SLC38A4: variants seen among roughly 807,000 people sequenced by gnomAD.
The protein encoded by SLC38A4 is solute carrier family 38 member 4, also known as sodium-coupled neutral amino acid transporter 4.
SLC38A4 carries 20 observed loss-of-function variants against 63.1 expected under a neutral mutation model. That is an observed-to-expected ratio of 0.32 (90% CI 0.22 to 0.46). SLC38A4 has a LOEUF of 0.46. Among genes scored for constraint, SLC38A4 ranks in the 20% least tolerant of loss-of-function variants. The pLI is 1.00. For missense variants in SLC38A4, 526 were observed against 663.6 expected, an observed-to-expected ratio of 0.79 and a Z score of 2.28; for synonymous variants, 230 against 225.5, an observed-to-expected ratio of 1.02 and a Z score of -0.18.
At chr12:46,778,471 A>G (rs1398852479) in intron 11 of SLC38A4, 30 bp downstream of exon 11, 1 of 1,611,226 alleles carries the variant, frequency 6.2e-7, no homozygotes, top group Non-Finnish European at 8.5e-7. Flanking sequence ...ACATAACTGT[A>G]CTCATTAGAA....
intron 1 of SLC38A4, among the ~76,000 whole-genome samples, chr12:46,821,824 C>T (rs1230730967): frequency 6.6e-6 from 1 of 152,094 alleles, no homozygotes; most frequent in African/African-American, 2.4e-5. Context: ...ATTCCATTAA[C>T]CCAAGATGTG....
intron 1 of SLC38A4, among the ~76,000 whole-genome samples, chr12:46,820,146 C>T (rs1400862058): frequency 1.3e-5 from 2 of 151,978 alleles, no homozygotes; most frequent in East Asian, 1.9e-4. Context: ...ATATATCCAT[C>T]ACCTTCAAAA....
Position 46,768,339 on chromosome 12 carries a change from C to G in SLC38A4, c.1513G>C (p.Glu505Gln). ...ACCTTTTGGGGTGACCTAAAAGTTT[C>G]TTTCTTGACAAGTTTAAGATAAAAA... is the stretch of plus-strand genomic sequence containing the variant. ...AVFYLKLVKK[E>Q]TFRSPQKVGA... Residue 505 changes from glutamate to glutamine, a missense_variant, in exon 16 of 17, where the codon GAA becomes CAA. Transcript: ENST00000266579. The G allele has an allele frequency of 6.2e-7, 1 of 1,611,298 alleles. No homozygotes were observed. The highest frequency in any genetic ancestry group is 8.5e-7 in the Non-Finnish European group (1 of 1,178,424).
chr12:46,808,298 G>A (rs777046757), intron 1 of SLC38A4, among the ~76,000 whole-genome samples: 1 of 151,958 alleles, frequency 6.6e-6, no homozygotes, highest in African/African-American at 2.4e-5. Flanking sequence ...TGACCCACAA[G>A]TTTTGAGGAA....
chr12:46,832,167 C>A (rs953371365), intron 1 of SLC38A4, among the ~76,000 whole-genome samples: 26 of 152,028 alleles, frequency 1.7e-4, no homozygotes, highest in African/African-American at 6.0e-4. Flanking sequence ...TGAAGAGCCC[C>A]AGACATAAGC....
At chr12:46,778,893 CT>C in intron 10 of SLC38A4, 117 bp from the exon 11 acceptor site, 1 of 878,080 alleles carries the variant, frequency 1.1e-6, no homozygotes, top group Non-Finnish European at 1.7e-6. Context: ...TTAGGGATTC[CT>C]TTTAGACTAA....
chr12:46,808,990 C>T (rs1939289520), intron 1 of SLC38A4, among the ~76,000 whole-genome samples: 1 of 152,000 alleles, frequency 6.6e-6, no homozygotes, highest in South Asian at 2.1e-4. Context: ...AAATTACATT[C>T]TTCTTAGATC....
At chr12:46,787,045 T>C (rs1938776596) in intron 5 of SLC38A4, among the ~76,000 whole-genome samples, 1 of 152,240 alleles carries the variant, frequency 6.6e-6, no homozygotes, top group African/African-American at 2.4e-5. Flanking sequence ...CATAAACGTC[T>C]GTTGTTGTCT....
chr12:46,781,488 A>C (rs1938637798), intron 7 of SLC38A4, among the ~76,000 whole-genome samples: 1 of 152,090 alleles, frequency 6.6e-6, no homozygotes, highest in South Asian at 2.1e-4. Flanking sequence ...GTCTTCAAAA[A>C]TTCAGAATGA....
intron 1 of SLC38A4, among the ~76,000 whole-genome samples, chr12:46,812,191 G>C (rs767407049): frequency 2.0e-5 from 3 of 151,832 alleles, no homozygotes; most frequent in Non-Finnish European, 2.9e-5. Flanking sequence ...TATTTGGATG[G>C]GTAATCTGAT....
intron 4 of SLC38A4, 91 bp from the exon 5 acceptor site, chr12:46,788,122 C>A: frequency 1.1e-6 from 1 of 887,792 alleles, no homozygotes; most frequent in Non-Finnish European, 1.8e-6. Context: ...CTGCAGATTA[C>A]AGTCCAAAAT....
rs1447258790 is a variant in SLC38A4 at position 46,778,563 on chromosome 12, C to T, written c.931G>A (p.Val311Ile). 2 of 1,612,896 alleles carry T rather than the reference C, an allele frequency of 1.2e-6. No individual in the cohort carries two copies. Among genetic ancestry groups the T allele is most frequent in the Non-Finnish European group, 1.7e-6 (2 of 1,179,382 alleles). The change falls in exon 11 of 17, where the codon GTA becomes ATA. Residue 311 changes from valine (V) to isoleucine (I), a missense_variant. Transcript: ENST00000266579. ...TCATCACTATGAGCTTCATATTCTA[C>T]TCCACTGTCATGAAGAGAGCCCTTG... Reference protein sequence around the residue: ...QAKGSLHDSGVEYEAHSDDKC... With the variant: ...QAKGSLHDSGIEYEAHSDDKC...
chr12:46,789,208 CT>C (rs71070319), intron 3 of SLC38A4, among the ~76,000 whole-genome samples: 8,010 of 141,442 alleles, frequency 0.057, 442 homozygotes, highest in East Asian at 0.26. Flanking sequence ...TATTTTCTTT[CT>C]TTTTTTTTTT....
intron 6 of SLC38A4, 138 bp downstream of exon 6, chr12:46,784,964 CTG>C (rs1194194838): frequency 5.0e-6 from 4 of 797,664 alleles, no homozygotes; most frequent in African/African-American, 3.5e-5. Context: ...ACTATAAACA[CTG>C]AGAGATCGTG....
At position 46,775,032 on chromosome 12, in the gene SLC38A4, A is replaced by C; in HGVS notation, c.1299+17T>G. 6.2e-7 allele frequency: 1 copy of C among 1,609,074 alleles called. No homozygotes were observed. The highest frequency in any genetic ancestry group is 1.3e-5 in the African/African-American group (1 of 74,714). ...GGGGTCAAGTAGGTTTCTTTCATCA[A>C]AGTCTTATGTACTTACTGGGAAGAG... On this transcript the variant is annotated intron_variant, in intron 14 of 16. Coordinates refer to ENST00000266579, the MANE Select transcript of SLC38A4 (RefSeq NM_018018.5).
chr12:46,822,612 C>T (rs1939572888), intron 1 of SLC38A4, among the ~76,000 whole-genome samples: 2 of 152,080 alleles, frequency 1.3e-5, no homozygotes, highest in Admixed American at 6.6e-5. Flanking sequence ...ATCCCTGTCT[C>T]CAAGACACGT....
chr12:46,818,238 G>A (rs1939478276), intron 1 of SLC38A4, among the ~76,000 whole-genome samples: 1 of 151,822 alleles, frequency 6.6e-6, no homozygotes, highest in African/African-American at 2.4e-5. Context: ...CTATTGGTAG[G>A]TTACAGGGGC....
In SLC38A4 at chr12:46,774,128, C is replaced by T. The variant is rs77680761; in HGVS notation, c.1299+921G>A. 0.021 allele frequency among the ~76,000 whole-genome samples: 3,145 copies of T among 151,974 alleles called. 176 individuals carry two copies. In the East Asian group the frequency reaches 0.23, roughly 11 times the overall value. ...TAAAATATTAGCCACCATAGTAGTA[C>T]GGATCTGATTTCATGCACTCATGAA... On this transcript the variant is annotated intron_variant, in intron 14 of 16. Transcript: ENST00000266579.
At chr12:46,774,892 G>A (rs1176335181) in intron 14 of SLC38A4, among the ~76,000 whole-genome samples, 157 bp downstream of exon 14, 2 of 151,912 alleles carry the variant, frequency 1.3e-5, no homozygotes, top group Non-Finnish European at 2.9e-5. Flanking sequence ...CACATTAAAT[G>A]GCCAATTTTA....
Sources: allele counts gnomAD v4.1 joint callset (sites outside exome capture counted in the v4.1 genomes callset), GRCh38; gene constraint gnomAD v4.1.1; transcripts MANE v1.5; gene names NCBI Gene and HGNC (gene_info 2026-07-23, HGNC 2026-07-21).